Variants in CD163L1 observed in about 807,000 individuals in gnomAD.
CD163L1 encodes the protein CD163 molecule like 1.
CD163L1 carries 124 observed loss-of-function variants against 165.4 expected under a neutral mutation model. The ratio of observed to expected loss-of-function variants is 0.75; its 90% CI spans 0.65 to 0.87. The LOEUF (loss-of-function observed/expected upper bound fraction) is 0.87. Ranked by LOEUF, CD163L1 falls within the 40% of genes least tolerant of loss-of-function variation. The pLI is 0.00. For missense variants in CD163L1, 1,525 were observed against 1,799.9 expected, an observed-to-expected ratio of 0.85 and a Z score of 2.76; for synonymous variants, 585 against 662.2, an observed-to-expected ratio of 0.88 and a Z score of 1.79.
At chr12:7,365,342 G>A (rs1177419267) in intron 18 of CD163L1, among the ~76,000 whole-genome samples, 1 of 152,074 alleles carries the variant, frequency 6.6e-6, no homozygotes, top group Admixed American at 6.6e-5. Flanking sequence ...AACACTCCAG[G>A]ATATTGGTCT....
downstream of CD163L1, among the ~76,000 whole-genome samples, chr12:7,344,655 G>A (rs1230145574): frequency 6.6e-6 from 1 of 152,192 alleles, no homozygotes; most frequent in East Asian, 1.9e-4. Context: ...TATTGCCCTA[G>A]AGTTCTCTGT....
chr12:7,427,726 C>G (rs1212077318), intron 4 of CD163L1, among the ~76,000 whole-genome samples: 1 of 152,056 alleles, frequency 6.6e-6, no homozygotes, highest in Non-Finnish European at 1.5e-5. Context: ...GTCATACCTG[C>G]AAATGTGATT....
Position 7,400,546 on chromosome 12 carries a change from G to T in CD163L1, c.1409-1962C>A, listed in dbSNP as rs1947896486. On this transcript the variant is annotated intron_variant, in intron 6 of 19. Transcript: ENST00000313599. This position sits in a 1 kb window ranked among gnomAD's most constrained non-coding sequence, Gnocchi z 4.1. ...TTAATAGACTGGGTTTTGCTATGTT[G>T]CCCAGGCTGGAGTGGAGTGGCTATT... 6.6e-6 allele frequency among the ~76,000 whole-genome samples: 1 copy of T among 151,942 alleles called. No individual in the cohort carries two copies. The highest frequency in any genetic ancestry group is 1.5e-5 in the Non-Finnish European group (1 of 67,986).
intron 8 of CD163L1, among the ~76,000 whole-genome samples, chr12:7,390,069 A>G (rs1947618192): frequency 6.6e-6 from 1 of 151,070 alleles, no homozygotes; most frequent in Non-Finnish European, 1.5e-5. Context: ...GGATGACATT[A>G]TGTTATGCAG....
intron 6 of CD163L1, among the ~76,000 whole-genome samples, chr12:7,402,536 C>T (rs1947934677): frequency 6.6e-6 from 1 of 152,112 alleles, no homozygotes; most frequent in African/African-American, 2.4e-5. Context: ...ACTCCCCAGA[C>T]ACCTGTGCAC....
chr12:7,353,480 T>C (rs949370667), downstream of CD163L1, among the ~76,000 whole-genome samples: 1 of 152,108 alleles, frequency 6.6e-6, no homozygotes, highest in Non-Finnish European at 1.5e-5. Flanking sequence ...ACCATCAAGC[T>C]GTTGAAAGAC....
At chr12:7,324,404 T>C in the CD163L1 span, 1 of 1,614,128 alleles carries the variant, frequency 6.2e-7, no homozygotes, top group African/African-American at 1.3e-5. Flanking sequence ...CCTCTGGGTT[T>C]GTATATTTGC....
At chr12:7,325,854 G>A in the CD163L1 span, among the ~76,000 whole-genome samples, 3 of 152,050 alleles carry the variant, frequency 2.0e-5, no homozygotes, top group Non-Finnish European at 2.9e-5. Flanking sequence ...TGTCAGCATC[G>A]TTCCACATCT....
chr12:7,379,166 C>T lies in CD163L1; in HGVS notation c.2183G>A (p.Cys728Tyr), dbSNP rs202152634. 1.4e-5 allele frequency: 23 copies of T among 1,613,998 alleles called. No homozygotes were observed. Among genetic ancestry groups the T allele is most frequent in the Non-Finnish European group, 1.8e-5 (21 of 1,180,014 alleles). The change falls in exon 9 of 20, where the codon TGC (cysteine) becomes TAC (tyrosine). Residue 728 changes from cysteine to tyrosine, a missense_variant. Physicochemically the swap from Cys to Tyr is radical, Grantham distance 194 (BLOSUM62 -2). Transcript: ENST00000313599. Reference sequence around the variant, plus strand: ...TGCAGACCCACATTCAAGTTGCCTGCAAACAACTTCAGCAATGTTCATTCC... The same window carrying T: ...TGCAGACCCACATTCAAGTTGCCTGTAAACAACTTCAGCAATGTTCATTCC... ...GWGMNIAEVV[C>Y]RQLECGSAIR...
the CD163L1 span, chr12:7,328,251 AT>A: frequency 6.7e-7 from 1 of 1,487,356 alleles, no homozygotes. Flanking sequence ...GAAGGATGGA[AT>A]CAAGTGTCTC....
intron 18 of CD163L1, among the ~76,000 whole-genome samples, chr12:7,365,422 A>G (rs1320897457): frequency 1.3e-5 from 2 of 152,166 alleles, no homozygotes; most frequent in Non-Finnish European, 2.9e-5. Flanking sequence ...AAATGGGATT[A>G]TATCAATCAA....
chr12:7,415,142 G>T (rs1948211437), intron 4 of CD163L1, among the ~76,000 whole-genome samples: 1 of 151,890 alleles, frequency 6.6e-6, no homozygotes, highest in Non-Finnish European at 1.5e-5. Context: ...ATTTGTTACT[G>T]GATAAAAAAT....
chr12:7,378,986 A>C lies in CD163L1; in HGVS notation c.2363T>G (p.Ile788Ser), dbSNP rs778726245. 1 of 1,604,040 alleles carries C rather than the reference A, an allele frequency of 6.2e-7. No individual in the cohort carries two copies. Among genetic ancestry groups the C allele is most frequent in the South Asian group, 1.1e-5 (1 of 90,932 alleles). The change falls in exon 9 of 20, where the codon ATC (isoleucine) becomes AGC (serine). Residue 788 changes from isoleucine (I) to serine (S), a missense_variant. Physicochemically the swap from Ile to Ser is moderately radical, Grantham distance 142. Transcript: ENST00000313599. ...CTTTGTCCAGAAATTACCTGAGCAG[A>C]TCAAACTTGCTTCCATATTTAAATG... is the stretch of plus-strand genomic sequence containing the variant. ...ACHLNMEASL[I>S]CSAHRQPRLV...
At position 7,373,598 on chromosome 12, in the gene CD163L1, C is replaced by T. The variant is rs772252828; in HGVS notation, c.3452G>A (p.Ser1151Asn). 14 of 1,611,812 alleles carry T rather than the reference C, an allele frequency of 8.7e-6. No individual in the cohort carries two copies. In the South Asian group the frequency reaches 1.3e-4, roughly 15 times the overall value. Residue 1151 changes from serine to asparagine, a missense_variant, in exon 14 of 20, where the codon AGC becomes AAC. Transcript: ENST00000313599. ...LRLYSETETE[S>N]CAGRLEVFYN... Reference sequence around the variant, plus strand: ...GAAGACTTCCAATCTCCCAGCACAGCTCTCTGTTTCAGTTTCACTGTAGAG... The same window carrying T: ...GAAGACTTCCAATCTCCCAGCACAGTTCTCTGTTTCAGTTTCACTGTAGAG...
intron 2 of CD163L1, among the ~76,000 whole-genome samples, chr12:7,437,895 T>C (rs1038754036): frequency 6.6e-6 from 1 of 151,194 alleles, no homozygotes; most frequent in Non-Finnish European, 1.5e-5. Context: ...AATTTTATTA[T>C]TATAAAAAAA....
Position 7,396,156 on chromosome 12 carries a change from C to T in CD163L1, c.1989G>A (p.Arg663=), listed in dbSNP as rs777475096. ...AGTCATTATTTCCCCACCCACTGTT[C>T]CTGCATGACCAGAGATCTGACTCAT... ...DGDESDLWSC[R]NSGWGNNDCS... Residue 663 remains arginine, a synonymous_variant, in exon 8 of 20, where the codon AGG becomes AGA. Coordinates refer to ENST00000313599, the MANE Select transcript of CD163L1 (RefSeq NM_174941.6). 3 of 1,614,176 alleles carry T rather than the reference C, an allele frequency of 1.9e-6. No homozygotes were observed. The highest frequency in any genetic ancestry group is 3.3e-5 in the Admixed American group (2 of 60,028).
chr12:7,395,157 C>A (rs1030815261), intron 8 of CD163L1, among the ~76,000 whole-genome samples: 4 of 152,058 alleles, frequency 2.6e-5, no homozygotes, highest in Non-Finnish European at 4.4e-5. Flanking sequence ...ATGTTTATTG[C>A]GGCACTATTC....
rs1365297400 is a variant in CD163L1, at chr12:7,392,618, A to C, written c.2050+3477T>G. 5.3e-5 allele frequency among the ~76,000 whole-genome samples: 8 copies of C among 152,340 alleles called. No homozygotes were observed. The South Asian group carries it at 1.2e-3, about 24-fold the overall frequency. On this transcript the variant is annotated intron_variant, in intron 8 of 19. Coordinates refer to ENST00000313599, the MANE Select transcript of CD163L1 (RefSeq NM_174941.6). ...ATAGAGACACAAAAAAACCTTCAAA[A>C]AATCAATGAATCCAGAAGCTGGTTT...
At chr12:7,325,674 T>C in the CD163L1 span, among the ~76,000 whole-genome samples, 2 of 151,994 alleles carry the variant, frequency 1.3e-5, no homozygotes, top group Admixed American at 6.6e-5. Context: ...GAAACAAAAC[T>C]GTGGCCAGGT....
Sources: allele counts gnomAD v4.1 joint callset (sites outside exome capture counted in the v4.1 genomes callset), GRCh38; gene constraint gnomAD v4.1.1; non-coding constraint Gnocchi (gnomAD v3.1); transcripts MANE v1.5; gene names NCBI Gene and HGNC (gene_info 2026-07-23, HGNC 2026-07-21).